The following HTR4 variants were observed in gnomAD, a reference collection of about 807,000 sequenced individuals.
HTR4 encodes the protein 5-hydroxytryptamine receptor 4.
Under a neutral mutation model 36.8 loss-of-function variants are expected in HTR4, and 16 were observed. That is an observed-to-expected ratio of 0.43 (90% CI 0.29 to 0.66). The LOEUF (loss-of-function observed/expected upper bound fraction) is 0.66. Among genes scored for constraint, HTR4 ranks in the 30% least tolerant of loss-of-function variants. The pLI, the probability that HTR4 is intolerant of heterozygous loss-of-function variation, is 0.13. For missense variants in HTR4, 438 were observed against 490.9 expected, an observed-to-expected ratio of 0.89 and a Z score of 1.02; for synonymous variants, 189 against 185.1, an observed-to-expected ratio of 1.02 and a Z score of -0.17.
chr5:148,463,817 C>A (rs1755351313), intron 5 of HTR4, among the ~76,000 whole-genome samples: 1 of 151,748 alleles, frequency 6.6e-6, no homozygotes, highest in Admixed American at 6.6e-5. Context: ...AGGACTGATA[C>A]TACCCAACTT....
At chr5:148,458,017 TAAA>T (rs1755156302) in intron 5 of HTR4, among the ~76,000 whole-genome samples, 1 of 132,334 alleles carries the variant, frequency 7.6e-6, no homozygotes, top group South Asian at 2.2e-4. Flanking sequence ...TATTAAATAT[TAAA>T]TTAAGATATA....
At chr5:148,519,979 A>G (rs1466228203) in intron 5 of HTR4, among the ~76,000 whole-genome samples, 2 of 152,206 alleles carry the variant, frequency 1.3e-5, no homozygotes, top group African/African-American at 4.8e-5. Flanking sequence ...CTGCAATGCT[A>G]ACGAGTCAAC....
At chr5:148,543,366 T>C (rs1759215650) in intron 4 of HTR4, among the ~76,000 whole-genome samples, 1 of 152,156 alleles carries the variant, frequency 6.6e-6, no homozygotes, top group African/African-American at 2.4e-5. Flanking sequence ...ATGACATTGT[T>C]CAAATCCTTG....
At chr5:148,630,266 G>A (rs1465397819) in intron 2 of HTR4, 1 of 152,172 alleles carries the variant, frequency 6.6e-6, no homozygotes, top group Admixed American at 6.6e-5. Context: ...CTTGTAAACA[G>A]GGGTCACCAA....
chr5:148,471,620 A>G (rs1447755709), intron 5 of HTR4, among the ~76,000 whole-genome samples: 1 of 152,210 alleles, frequency 6.6e-6, no homozygotes, highest in Non-Finnish European at 1.5e-5. Flanking sequence ...TGACTTCTAA[A>G]TAAATACATC....
chr5:148,653,343 C>T (rs1171764161), intron 1 of HTR4, among the ~76,000 whole-genome samples: 1 of 152,166 alleles, frequency 6.6e-6, no homozygotes, highest in South Asian at 2.1e-4. Context: ...ACTTTTTGAC[C>T]TCTGCCAGCT....
chr5:148,523,467 G>T, intron 4 of HTR4, 121 bp from the exon 5 acceptor site: 1 of 648,036 alleles, frequency 1.5e-6, no homozygotes, highest in Non-Finnish European at 2.4e-6. Context: ...ATAGAGAACA[G>T]CAAACATTGA....
At chr5:148,620,836 T>C (rs1357376946) in intron 2 of HTR4, among the ~76,000 whole-genome samples, 1 of 152,162 alleles carries the variant, frequency 6.6e-6, no homozygotes, top group African/African-American at 2.4e-5. Context: ...TAGCCCTCAC[T>C]ATCTTCTCCA....
chr5:148,614,872 A>G (rs1405713351), intron 2 of HTR4, among the ~76,000 whole-genome samples: 2 of 152,238 alleles, frequency 1.3e-5, no homozygotes, highest in African/African-American at 4.8e-5. Context: ...TGGGCAAAGG[A>G]CATGAACAGA....
intron 4 of HTR4, 114 bp from the exon 5 acceptor site, chr5:148,523,460 G>C (rs1003877760): frequency 4.9e-5 from 36 of 728,818 alleles, no homozygotes; most frequent in African/African-American, 3.7e-5. Context: ...GCAAGGGATA[G>C]AGAACAGCAA....
intron 2 of HTR4, among the ~76,000 whole-genome samples, chr5:148,626,059 T>A (rs998498196): frequency 2.6e-5 from 4 of 152,170 alleles, no homozygotes; most frequent in Non-Finnish European, 4.4e-5. Context: ...AGTCTCTCAG[T>A]CATAGAAGAC....
Position 148,625,337 on chromosome 5 carries a change from G to A in HTR4, c.26+11652C>T, listed in dbSNP as rs193162726. 2.5e-3 allele frequency among the ~76,000 whole-genome samples: 387 copies of A among 152,240 alleles called. 3 individuals are homozygous for A. The highest frequency in any genetic ancestry group is 4.9e-3 in the Admixed American group (75 of 15,290). On this transcript the variant is annotated intron_variant, in intron 2 of 6. Coordinates refer to ENST00000377888, the MANE Select transcript of HTR4 (RefSeq NM_000870.7). The stretch of plus-strand genomic sequence containing the variant: ...CTAAAATTAAGCTGGTATAAAAAGG[G>A]TACTAGTTATTATTTTCAGAGTAAA...
chr5:148,458,100 A>T (rs1306523326), intron 5 of HTR4, among the ~76,000 whole-genome samples: 8 of 53,494 alleles, frequency 1.5e-4, no homozygotes, highest in African/African-American at 3.8e-4. Context: ...TTATATTTTA[A>T]TATCTATTAA....
chr5:148,590,901 G>A (rs1478540173), intron 2 of HTR4, among the ~76,000 whole-genome samples: 4 of 151,756 alleles, frequency 2.6e-5, no homozygotes, highest in Non-Finnish European at 5.9e-5. Flanking sequence ...TGAAATCTTT[G>A]CCTGTTCCTA....
At chr5:148,521,057 T>C in intron 5 of HTR4, 1 of 1,337,704 alleles carries the variant, frequency 7.5e-7, no homozygotes. Context: ...GCTCTTAATC[T>C]CTCCTCTCCA....
downstream of HTR4, among the ~76,000 whole-genome samples, chr5:148,473,313 A>G (rs1361667934): frequency 6.6e-6 from 1 of 151,988 alleles, no homozygotes; most frequent in Admixed American, 6.5e-5. Context: ...AAAAAAAAAA[A>G]AAAAAAGAGG....
intron 5 of HTR4, among the ~76,000 whole-genome samples, chr5:148,453,120 T>C (rs2113683590): frequency 6.6e-6 from 1 of 152,314 alleles, no homozygotes; most frequent in East Asian, 1.9e-4. Flanking sequence ...ATTCCTGGAA[T>C]GCTTCTTTAC....
chr5:148,576,116 A>AAAAAAAAAAAAC (rs1760894605), intron 2 of HTR4, among the ~76,000 whole-genome samples: 2 of 126,902 alleles, frequency 1.6e-5, no homozygotes, highest in African/African-American at 7.0e-5. Context: ...GTCTCAAAAA[A>AAAAAAAAAAAAC]AAAAAAAAAA....
chr5:148,629,184 G>A (rs138177215), intron 2 of HTR4: 38 of 152,216 alleles, frequency 2.5e-4, no homozygotes, highest in African/African-American at 8.7e-4. Flanking sequence ...ATACACCAGG[G>A]TTGACTGAGC....
Sources: gnomAD v4.1 joint callset for allele counts (sites outside exome capture counted in the v4.1 genomes callset) on GRCh38, gnomAD v4.1.1 for gene constraint, MANE v1.5 for transcripts, NCBI Gene and HGNC (gene_info 2026-07-23, HGNC 2026-07-21) for gene names.